The following ZPLD1 variants were observed in gnomAD, a reference collection of about 807,000 sequenced individuals.
ZPLD1 encodes the protein zona pellucida-like domain-containing protein 1.
ZPLD1 carries 34 observed loss-of-function variants against 47.2 expected under a neutral mutation model. That is an observed-to-expected ratio of 0.72 (90% confidence interval 0.55 to 0.96). The LOEUF (loss-of-function observed/expected upper bound fraction) is 0.96. Among genes scored for constraint, ZPLD1 ranks in the 40% least tolerant of loss-of-function variants. ZPLD1 has a pLI of 0.00. For missense variants in ZPLD1, 512 were observed against 505.8 expected, an observed-to-expected ratio of 1.01 and a Z score of -0.12; for synonymous variants, 176 against 186.2, an observed-to-expected ratio of 0.95 and a Z score of 0.45.
At chr3:102,410,529 A>T (rs944259686) in intron 7 of ZPLD1, among the ~76,000 whole-genome samples, 1 of 151,774 alleles carries the variant, frequency 6.6e-6, no homozygotes, top group African/African-American at 2.4e-5. Flanking sequence ...CTACTCTAAT[A>T]TTTATTCCAC....
chr3:102,470,583 G>C (rs919964924), intron 10 of ZPLD1, 81 bp downstream of exon 10: 10 of 1,134,376 alleles, frequency 8.8e-6, no homozygotes. Flanking sequence ...AGAACTCAAA[G>C]TGGTTCCTAA....
At position 102,478,156 on chromosome 3, in the gene ZPLD1, T is replaced by C. The variant is rs1276645846; in HGVS notation, c.*538T>C. On this transcript the variant is annotated 3_prime_UTR_variant, in exon 12 of 12. Transcript: ENST00000466937. ...CTCCTGTGTTTTTGGCCGATTTTCA[T>C]GTCTGACCATATTCATTTTAAAAGA... 1 of 152,262 alleles carries C rather than the reference T, an allele frequency of 6.6e-6. No individual in the cohort carries two copies. The highest frequency in any genetic ancestry group is 2.4e-5 in the African/African-American group (1 of 41,468). The allele number at this position is 152,262 out of a possible 1,614,324, so 9.4% of individuals were successfully genotyped here. A position where few individuals can be genotyped will look rare whatever the true frequency, so the allele number is the denominator to read the frequency against.
intron 7 of ZPLD1, among the ~76,000 whole-genome samples, chr3:102,415,600 G>A (rs1203138570): frequency 6.6e-6 from 1 of 151,734 alleles, no homozygotes; most frequent in Non-Finnish European, 1.5e-5. Flanking sequence ...CTAAAACTTT[G>A]CTTTAAAGAA....
chr3:102,397,840 G>A (rs1355640654), intron 7 of ZPLD1, among the ~76,000 whole-genome samples: 1 of 152,102 alleles, frequency 6.6e-6, no homozygotes, highest in Admixed American at 6.6e-5. Context: ...AGTCTAGGCC[G>A]CTGCCTTCAC....
At chr3:102,454,561 A>C (rs1486363210) in intron 4 of ZPLD1, among the ~76,000 whole-genome samples, 3 of 152,218 alleles carry the variant, frequency 2.0e-5, no homozygotes, top group Non-Finnish European at 2.9e-5. Flanking sequence ...TAAGTCCGCT[A>C]TAAAAATTGC....
chr3:102,477,408 G>A lies in ZPLD1; in HGVS notation c.1073-35G>A, dbSNP rs199595504. On this transcript the variant is annotated intron_variant, in intron 11 of 11. Coordinates refer to ENST00000466937, the MANE Select transcript of ZPLD1 (RefSeq NM_001329788.2). The stretch of plus-strand genomic sequence containing the variant: ...TCAAGGTGAGATAAATATTATATGG[G>A]GCCTTTACAACCGGGTGTGTTTTAT... 56 of 1,592,858 alleles carry A rather than the reference G, an allele frequency of 3.5e-5. No individual in the cohort carries two copies. The East Asian group carries it at 1.2e-3, about 34-fold the overall frequency.
intron 7 of ZPLD1, among the ~76,000 whole-genome samples, chr3:102,411,604 C>T (rs1381659289): frequency 6.6e-6 from 1 of 151,646 alleles, no homozygotes; most frequent in African/African-American, 2.4e-5. Context: ...TAAAGCTGGA[C>T]AGATAGTGAA....
chr3:102,392,454 G>T (rs1280963259), intron 7 of ZPLD1, among the ~76,000 whole-genome samples: 1 of 152,058 alleles, frequency 6.6e-6, no homozygotes, highest in Non-Finnish European at 1.5e-5. Context: ...TTCCAAGGTG[G>T]TGCAGGGTAT....
At chr3:102,422,392 A>G (rs922091575) in intron 8 of ZPLD1, among the ~76,000 whole-genome samples, 3 of 152,054 alleles carry the variant, frequency 2.0e-5, no homozygotes, top group Non-Finnish European at 4.4e-5. Flanking sequence ...GCTGTTAAAT[A>G]TCCTACAATG....
In ZPLD1 at chr3:102,467,768, G is replaced by A. The variant is rs1029037606; in HGVS notation, c.762-1196G>A. 2.6e-5 allele frequency among the ~76,000 whole-genome samples: 4 copies of A among 151,150 alleles called. No individual in the cohort carries two copies. In the East Asian group the frequency reaches 5.8e-4, roughly 22 times the overall value. On this transcript the variant is annotated intron_variant, in intron 8 of 11. Coordinates refer to ENST00000466937, the MANE Select transcript of ZPLD1 (RefSeq NM_001329788.2). Reference sequence around the variant, plus strand: ...TTAAAACTTTGGAGTAAGGAAACTGGCTTCAGTGTAAATACTAGAAGCCAC... The same window carrying A: ...TTAAAACTTTGGAGTAAGGAAACTGACTTCAGTGTAAATACTAGAAGCCAC...
At chr3:102,451,228 A>G (rs1011559046) in intron 3 of ZPLD1, among the ~76,000 whole-genome samples, 1 of 152,222 alleles carries the variant, frequency 6.6e-6, no homozygotes, top group Non-Finnish European at 1.5e-5. Context: ...AGATAATGCT[A>G]TTGAACATTT....
intron 6 of ZPLD1, among the ~76,000 whole-genome samples, chr3:102,388,479 G>A (rs1253522107): frequency 6.7e-6 from 1 of 149,284 alleles, no homozygotes; most frequent in African/African-American, 2.5e-5. Context: ...GTGTGTGTGT[G>A]TGTGTCTTTC....
At chr3:102,427,743 T>G (rs559033493) in intron 8 of ZPLD1, among the ~76,000 whole-genome samples, 2 of 152,318 alleles carry the variant, frequency 1.3e-5, no homozygotes, top group African/African-American at 4.8e-5. Flanking sequence ...TTATATTTAT[T>G]CAAGGGTCAG....
intron 3 of ZPLD1, among the ~76,000 whole-genome samples, chr3:102,443,111 T>C (rs1707206505): frequency 6.6e-6 from 1 of 152,178 alleles, no homozygotes; most frequent in South Asian, 2.1e-4. Context: ...TTCTGGCCTC[T>C]AAAGAAATCT....
At chr3:102,429,714 T>C (rs1371602438) in intron 8 of ZPLD1, among the ~76,000 whole-genome samples, 4 of 152,146 alleles carry the variant, frequency 2.6e-5, no homozygotes, top group Non-Finnish European at 5.9e-5. Context: ...GATCAAAATG[T>C]CTAAAACTAA....
chr3:102,401,162 A>G (rs1706615624), intron 7 of ZPLD1, among the ~76,000 whole-genome samples: 1 of 152,104 alleles, frequency 6.6e-6, no homozygotes, highest in Non-Finnish European at 1.5e-5. Flanking sequence ...ATCGTTAGTC[A>G]TATGAATGAC....
chr3:102,473,063 C>T (rs1225182815), intron 10 of ZPLD1, among the ~76,000 whole-genome samples: 2 of 152,056 alleles, frequency 1.3e-5, no homozygotes, highest in African/African-American at 4.8e-5. Context: ...TTTATAAAAC[C>T]ATGAGATCTT....
intron 8 of ZPLD1, among the ~76,000 whole-genome samples, chr3:102,427,366 A>T (rs575519923): frequency 2.0e-5 from 3 of 152,174 alleles, no homozygotes; most frequent in Non-Finnish European, 4.4e-5. Flanking sequence ...AGGCTGTAAG[A>T]TCTCTTGCTG....
chr3:102,404,781 G>A (rs1413028497), intron 7 of ZPLD1, among the ~76,000 whole-genome samples: 1 of 152,002 alleles, frequency 6.6e-6, no homozygotes, highest in Non-Finnish European at 1.5e-5. Context: ...ACACTAGAAA[G>A]TTGTTCTCTA....
Sources: gnomAD v4.1 joint callset for allele counts (sites outside exome capture counted in the v4.1 genomes callset) on GRCh38, gnomAD v4.1.1 for gene constraint, MANE v1.5 for transcripts, NCBI Gene and HGNC (gene_info 2026-07-23, HGNC 2026-07-21) for gene names.